The following SLC9A9 variants were observed in gnomAD, a reference collection of about 807,000 sequenced individuals.
SLC9A9 encodes solute carrier family 9 member A9.
A neutral mutation model predicts 77.8 loss-of-function variants in SLC9A9; 62 were observed. The ratio of observed to expected loss-of-function variants is 0.80; its 90% CI spans 0.65 to 0.98. SLC9A9 has a LOEUF of 0.98. SLC9A9 is among the 50% of genes least tolerant of loss of function. SLC9A9 has a pLI of 0.00. For missense variants in SLC9A9, 775 were observed against 774.9 expected (o/e 1.00, Z 0.00); for synonymous variants, 320 against 283.5 (o/e 1.13, Z -1.29).
chr3:143,628,968 A>G (rs1163493499), intron 6 of SLC9A9, among the ~76,000 whole-genome samples: 1 of 152,236 alleles, frequency 6.6e-6, no homozygotes, highest in Non-Finnish European at 1.5e-5. Flanking sequence ...CCAAAAGATT[A>G]AATCAATCAT....
chr3:143,397,627 G>A (rs1007295230), intron 12 of SLC9A9, among the ~76,000 whole-genome samples: 2 of 152,112 alleles, frequency 1.3e-5, no homozygotes, highest in Admixed American at 6.6e-5. Context: ...CCCAAGCTAC[G>A]AGGAACTCTA....
intron 12 of SLC9A9, among the ~76,000 whole-genome samples, chr3:143,461,418 G>A (rs2035189992): frequency 6.6e-6 from 1 of 152,070 alleles, no homozygotes; most frequent in Non-Finnish European, 1.5e-5. Flanking sequence ...TGTGCGTCAG[G>A]GGGACAATAA....
chr3:143,393,980 G>T (rs1355981665), intron 12 of SLC9A9, among the ~76,000 whole-genome samples: 2 of 151,996 alleles, frequency 1.3e-5, no homozygotes, highest in South Asian at 4.2e-4. Context: ...ACCAAAAAAA[G>T]TCCAGGACCA....
At chr3:143,457,708 C>A (rs1200076666) in intron 12 of SLC9A9, among the ~76,000 whole-genome samples, 4 of 152,086 alleles carry the variant, frequency 2.6e-5, no homozygotes, top group Admixed American at 6.6e-5. Flanking sequence ...ATCTTTGACT[C>A]ATGGATTAGT....
At chr3:143,388,736 T>C (rs147012619) in intron 12 of SLC9A9, among the ~76,000 whole-genome samples, 1 of 152,082 alleles carries the variant, frequency 6.6e-6, no homozygotes, top group Admixed American at 6.6e-5. Context: ...GATATAAAGG[T>C]CAATGATAGG....
chr3:143,634,617 C>G (rs1392714781), intron 6 of SLC9A9, among the ~76,000 whole-genome samples: 5 of 151,968 alleles, frequency 3.3e-5, no homozygotes, highest in Non-Finnish European at 5.9e-5. Flanking sequence ...TTTTTGTTTG[C>G]TTGATACTTA....
At chr3:143,702,451 C>CTCTCTTTGCT (rs1256425065) in intron 4 of SLC9A9, among the ~76,000 whole-genome samples, 3 of 151,888 alleles carry the variant, frequency 2.0e-5, no homozygotes, top group Admixed American at 2.0e-4. Flanking sequence ...TTTTTATAGG[C>CTCTCTTTGCT]TCTCTTTGCT....
chr3:143,813,177 T>C (rs76923377), intron 2 of SLC9A9, among the ~76,000 whole-genome samples: 6,093 of 152,080 alleles, frequency 0.04, 159 homozygotes, highest in African/African-American at 0.066. Context: ...TTTTCCCCAA[T>C]ATGATACAAA....
At chr3:143,547,759 C>G (rs2036813098) in intron 9 of SLC9A9, among the ~76,000 whole-genome samples, 1 of 152,138 alleles carries the variant, frequency 6.6e-6, no homozygotes, top group Admixed American at 6.5e-5. Context: ...TTCTGGACAC[C>G]CAATCTAATA....
intron 2 of SLC9A9, among the ~76,000 whole-genome samples, chr3:143,823,464 C>T (rs925351236): frequency 6.6e-6 from 1 of 152,068 alleles, no homozygotes; most frequent in Non-Finnish European, 1.5e-5. Context: ...GGCCAACAGC[C>T]CATGCACATA....
In SLC9A9 at chr3:143,640,089, T is replaced by C. The variant is rs969597535; in HGVS notation, c.755+12166A>G. Among the ~76,000 whole-genome samples, 6 of 149,972 alleles carry C rather than the reference T, an allele frequency of 4.0e-5. No individual in the cohort carries two copies. The East Asian group carries it at 1.2e-3, about 30-fold the overall frequency. ...CAGGCTGGAGTGCAGTGGCGCAATCTTGGCTCACTGCAAGCTCCACCTCCC... is the reference window on the plus strand; with the variant it reads ...CAGGCTGGAGTGCAGTGGCGCAATCCTGGCTCACTGCAAGCTCCACCTCCC... On this transcript the variant is annotated intron_variant, in intron 6 of 15. Transcript: ENST00000316549.
chr3:143,279,192 T>A (rs966025308), intron 14 of SLC9A9, among the ~76,000 whole-genome samples: 1 of 152,180 alleles, frequency 6.6e-6, no homozygotes, highest in African/African-American at 2.4e-5. Flanking sequence ...AGGAAAAATA[T>A]TGCCAAGTTT....
At chr3:143,595,877 A>T (rs1433159268) in intron 6 of SLC9A9, among the ~76,000 whole-genome samples, 1 of 152,156 alleles carries the variant, frequency 6.6e-6, no homozygotes, top group African/African-American at 2.4e-5. Context: ...GAAAGGAGGG[A>T]GATGGGACCT....
chr3:143,431,031 C>A (rs2034503764), intron 12 of SLC9A9, among the ~76,000 whole-genome samples: 1 of 152,174 alleles, frequency 6.6e-6, no homozygotes, highest in Admixed American at 6.5e-5. Context: ...CTCTAGGTTT[C>A]CTAATACATG....
chr3:143,535,624 G>A (rs1287397290), intron 9 of SLC9A9, among the ~76,000 whole-genome samples: 1 of 152,074 alleles, frequency 6.6e-6, no homozygotes, highest in Non-Finnish European at 1.5e-5. Context: ...AAGATACAAA[G>A]GTGCTTTTCA....
At chr3:143,506,086 A>G (rs1439537482) in intron 9 of SLC9A9, among the ~76,000 whole-genome samples, 1 of 152,238 alleles carries the variant, frequency 6.6e-6, no homozygotes, top group Non-Finnish European at 1.5e-5. Flanking sequence ...TCATGTTGGC[A>G]CCTTGACAGA....
chr3:143,445,480 T>C (rs1223896035), intron 12 of SLC9A9, among the ~76,000 whole-genome samples: 5 of 152,224 alleles, frequency 3.3e-5, no homozygotes, highest in African/African-American at 9.6e-5. Context: ...TCAATCCTTT[T>C]GCTCCTTTCC....
intron 5 of SLC9A9, among the ~76,000 whole-genome samples, chr3:143,658,463 G>A (rs977942767): frequency 6.6e-6 from 1 of 152,042 alleles, no homozygotes. Flanking sequence ...TGATTCTTTT[G>A]GTATACATGT....
At chr3:143,651,288 A>G (rs983554323) in intron 6 of SLC9A9, among the ~76,000 whole-genome samples, 4 of 152,278 alleles carry the variant, frequency 2.6e-5, no homozygotes, top group Admixed American at 2.6e-4. Flanking sequence ...GTGAAATATA[A>G]GTATATTTGG....
Sources: gnomAD v4.1 joint callset for allele counts (sites outside exome capture counted in the v4.1 genomes callset) on GRCh38, gnomAD v4.1.1 for gene constraint, MANE v1.5 for transcripts, NCBI Gene and HGNC (gene_info 2026-07-23, HGNC 2026-07-21) for gene names.